The following MLLT3 variants were observed in gnomAD, a reference collection of about 807,000 sequenced individuals.
The protein encoded by MLLT3 is MLLT3 super elongation complex subunit.
Under a neutral mutation model 53.2 loss-of-function variants are expected in MLLT3, and 4 were observed. That is an observed-to-expected ratio of 0.08 (90% CI 0.04 to 0.17). The LOEUF is 0.17. Among genes scored for constraint, MLLT3 ranks in the 10% least tolerant of loss-of-function variants. The probability of loss-of-function intolerance (pLI) is 1.00; values close to 1 mark genes in which losing one functional copy is unlikely to be tolerated. For missense variants in MLLT3, 569 were observed against 684.0 expected (o/e 0.83, Z 1.87); for synonymous variants, 283 against 230.6 (o/e 1.23, Z -2.06).
chr9:20,440,654 T>C (rs905886870), intron 4 of MLLT3, among the ~76,000 whole-genome samples: 1 of 152,128 alleles, frequency 6.6e-6, no homozygotes, highest in African/African-American at 2.4e-5. Context: ...GTATGCATCC[T>C]TGAAACAAGT....
At chr9:20,529,399 G>C (rs1331514987) in intron 2 of MLLT3, among the ~76,000 whole-genome samples, 1 of 152,134 alleles carries the variant, frequency 6.6e-6, no homozygotes. Flanking sequence ...AATATGTTCA[G>C]ATTAAAAGTT....
At chr9:20,549,184 G>A (rs1218733177) in intron 2 of MLLT3, among the ~76,000 whole-genome samples, 2 of 152,102 alleles carry the variant, frequency 1.3e-5, no homozygotes, top group Non-Finnish European at 2.9e-5. Flanking sequence ...CATTTGACAA[G>A]GCACAGGCCA....
chr9:20,397,469 G>C (rs1822351854), intron 5 of MLLT3, among the ~76,000 whole-genome samples: 1 of 152,090 alleles, frequency 6.6e-6, no homozygotes, highest in Admixed American at 6.6e-5. Context: ...ATTGTTATCA[G>C]TGCAGGCTCA....
chr9:20,439,585 C>T (rs188233711), intron 4 of MLLT3, among the ~76,000 whole-genome samples: 1 of 151,974 alleles, frequency 6.6e-6, no homozygotes, highest in African/African-American at 2.4e-5. Context: ...AAGCAGAGCA[C>T]CAGGAAGGGG....
chr9:20,466,241 G>A lies in MLLT3; in HGVS notation c.194-9455C>T, dbSNP rs1285968958. ...AAATCCAAAAATCCCAATCCAAAATGCTCCAGTGATTATTTCCTTTGAGTG... is the reference window on the plus strand; with the variant it reads ...AAATCCAAAAATCCCAATCCAAAATACTCCAGTGATTATTTCCTTTGAGTG... On this transcript the variant is annotated intron_variant, in intron 2 of 10. Coordinates refer to ENST00000380338, the MANE Select transcript of MLLT3 (RefSeq NM_004529.4). Among the ~76,000 whole-genome samples the A allele has an allele frequency of 2.6e-5, 4 of 152,086 alleles. No homozygotes were observed. In the East Asian group the frequency reaches 7.7e-4, roughly 29 times the overall value.
At chr9:20,413,627 GCATT>G in intron 5 of MLLT3, 90 bp downstream of exon 5, 1 of 1,061,862 alleles carries the variant, frequency 9.4e-7, no homozygotes, top group Non-Finnish European at 1.3e-6. Context: ...TTATGGCTCA[GCATT>G]CATTTTCTTC....
intron 5 of MLLT3, among the ~76,000 whole-genome samples, chr9:20,396,236 A>T (rs1477096218): frequency 6.6e-6 from 1 of 151,958 alleles, no homozygotes; most frequent in African/African-American, 2.4e-5. Flanking sequence ...TCTTTTACAC[A>T]TATAGTCCCC....
chr9:20,346,565 G>C lies in MLLT3; in HGVS notation c.1585C>G (p.Leu529Val). Residue 529 changes from leucine (L) to valine (V), a missense_variant, in exon 11 of 11, where the codon CTT becomes GTT. Leu to Val is a conservative substitution (Grantham distance 32, BLOSUM62 1). Coordinates refer to ENST00000380338, the MANE Select transcript of MLLT3 (RefSeq NM_004529.4). ...TGAAAGTGTCCAGTTTCTTCTATAA[G>C]GTTCACGATCTAGAGGAGTGAAGAA... ...ERHILQQIVNLIEETGHFHIT... is the reference protein window; with the variant it reads ...ERHILQQIVNVIEETGHFHIT... The C allele has an allele frequency of 6.2e-7, 1 of 1,613,322 alleles. No homozygotes were observed. The highest frequency in any genetic ancestry group is 8.5e-7 in the Non-Finnish European group (1 of 1,179,564).
At chr9:20,615,387 A>AAAAAC (rs1820807207) in intron 2 of MLLT3, among the ~76,000 whole-genome samples, 1 of 105,510 alleles carries the variant, frequency 9.5e-6, no homozygotes, top group Non-Finnish European at 2.1e-5. Context: ...AAAAAAAAAA[A>AAAAAC]AAAAAAAAAG....
In MLLT3 at chr9:20,565,995, TTTA is replaced by T. The variant is rs1222658191; in HGVS notation, c.193+54656_193+54658del. 6.8e-5 allele frequency among the ~76,000 whole-genome samples: 9 copies of T among 132,400 alleles called. No individual in the cohort carries two copies. The East Asian group carries it at 1.8e-3, about 27-fold the overall frequency. 86.9% of individuals were successfully genotyped at this position (132,400 alleles called of 152,430 possible). A position where few individuals can be genotyped will look rare whatever the true frequency, so the allele number is the denominator to read the frequency against. On this transcript the variant is annotated intron_variant, in intron 2 of 10. Coordinates refer to ENST00000380338, the MANE Select transcript of MLLT3 (RefSeq NM_004529.4). ...ATATATATATATATTTATTTATATA[TTTA>T]TTTATATATATATTTTTATATATAT...
At chr9:20,492,747 A>G (rs1824981210) in intron 2 of MLLT3, among the ~76,000 whole-genome samples, 2 of 152,020 alleles carry the variant, frequency 1.3e-5, no homozygotes, top group African/African-American at 4.8e-5. Flanking sequence ...TGAAAACTAA[A>G]ATCTCTAACT....
chr9:20,364,900 T>C (rs1444905530), intron 6 of MLLT3, among the ~76,000 whole-genome samples: 1 of 152,176 alleles, frequency 6.6e-6, no homozygotes, highest in Non-Finnish European at 1.5e-5. Flanking sequence ...AAAATATAAT[T>C]AGTTAAATAT....
chr9:20,589,713 A>T (rs1405896080), intron 2 of MLLT3, among the ~76,000 whole-genome samples: 648 of 137,952 alleles, frequency 4.7e-3, no homozygotes, highest in African/African-American at 7.1e-3. Context: ...TTAATCGGTG[A>T]TTTTTTTTTT....
chr9:20,365,628 T>G (rs1341119090), intron 6 of MLLT3, 41 bp downstream of exon 6: 1 of 1,611,950 alleles, frequency 6.2e-7, no homozygotes, highest in African/African-American at 1.3e-5. Flanking sequence ...TAAGGTGTTT[T>G]ATGAGAAAAG....
intron 2 of MLLT3, among the ~76,000 whole-genome samples, chr9:20,462,772 G>T (rs549717035): frequency 3.3e-5 from 5 of 151,936 alleles, no homozygotes; most frequent in Admixed American, 2.6e-4. Flanking sequence ...ACCTCCTCTC[G>T]TTCCTTATCC....
intron 8 of MLLT3, among the ~76,000 whole-genome samples, chr9:20,359,103 C>T (rs1217050509): frequency 7.1e-6 from 1 of 141,588 alleles, no homozygotes; most frequent in African/African-American, 2.7e-5. Flanking sequence ...CAAGATCGCG[C>T]CATTGCACTC....
chr9:20,589,605 T>C lies in MLLT3; in HGVS notation c.193+31049A>G, dbSNP rs1483758030. Among the ~76,000 whole-genome samples the C allele has an allele frequency of 3.3e-5, 5 of 151,098 alleles. No individual in the cohort carries two copies. In the East Asian group the frequency reaches 9.7e-4, roughly 29 times the overall value. On this transcript the variant is annotated intron_variant, in intron 2 of 10. Transcript: ENST00000380338. Reference sequence around the variant, plus strand: ...ATAATAATAAAAAAAAAAAGAAAATTTTTTTATAAAAAAAGAATTTGAGAA... The same window carrying C: ...ATAATAATAAAAAAAAAAAGAAAATCTTTTTATAAAAAAAGAATTTGAGAA...
chr9:20,365,494 C>G (rs957927150), intron 6 of MLLT3, among the ~76,000 whole-genome samples, 175 bp downstream of exon 6: 2 of 152,160 alleles, frequency 1.3e-5, no homozygotes, highest in Non-Finnish European at 2.9e-5. Flanking sequence ...CATGCCACCA[C>G]GCCTGGCTAA....
chr9:20,409,782 T>C (rs1822677301), intron 5 of MLLT3, among the ~76,000 whole-genome samples: 1 of 152,236 alleles, frequency 6.6e-6, no homozygotes, highest in Non-Finnish European at 1.5e-5. Context: ...AACTTTCATG[T>C]GACAGTATTA....
Sources: gnomAD v4.1 joint callset for allele counts (sites outside exome capture counted in the v4.1 genomes callset) on GRCh38, gnomAD v4.1.1 for gene constraint, MANE v1.5 for transcripts, NCBI Gene and HGNC (gene_info 2026-07-23, HGNC 2026-07-21) for gene names.